Variants in RNF123 observed in about 807,000 individuals in gnomAD.
The protein encoded by RNF123 is ring finger protein 123.
In RNF123, 86 loss-of-function variants were observed where a neutral mutation model predicts 168.5. The ratio of observed to expected loss-of-function variants is 0.51; its 90% CI spans 0.43 to 0.61. RNF123 has a LOEUF of 0.61. RNF123 is among the 20% of genes least tolerant of loss of function. The pLI, the probability that RNF123 is intolerant of heterozygous loss-of-function variation, is 0.00. For missense variants in RNF123, 1,419 were observed against 1,729.7 expected, an observed-to-expected ratio of 0.82 and a Z score of 3.19; for synonymous variants, 666 against 689.1, an observed-to-expected ratio of 0.97 and a Z score of 0.52.
At chr3:49,693,985 T>G (rs1399812212) in intron 3 of RNF123, among the ~76,000 whole-genome samples, 1 of 152,238 alleles carries the variant, frequency 6.6e-6, no homozygotes, top group Non-Finnish European at 1.5e-5. Context: ...TTGCGTTCTT[T>G]GTATATTCTG....
In RNF123 at chr3:49,712,460, C is replaced by T. The variant is rs1316761967; in HGVS notation, c.2497-19C>T. On this transcript the variant is annotated intron_variant, in intron 26 of 38. Coordinates refer to ENST00000327697, the MANE Select transcript of RNF123 (RefSeq NM_022064.5). ...CCCACTGGTGCGCAACCCAGCAGCACCCCGTGTGCCTCCTGCAGGAGAAGA... is the reference window on the plus strand; with the variant it reads ...CCCACTGGTGCGCAACCCAGCAGCATCCCGTGTGCCTCCTGCAGGAGAAGA... The T allele has an allele frequency of 6.2e-7, 1 of 1,613,140 alleles. No homozygotes were observed. Among genetic ancestry groups the T allele is most frequent in the Non-Finnish European group, 8.5e-7 (1 of 1,179,814 alleles).
At chr3:49,710,681 A>G (rs1401081565) in intron 26 of RNF123, among the ~76,000 whole-genome samples, 1 of 152,214 alleles carries the variant, frequency 6.6e-6, no homozygotes, top group Non-Finnish European at 1.5e-5. Context: ...ATGTCTGTGA[A>G]CAGAGATAAT....
At chr3:49,716,550 T>A in intron 35 of RNF123, 73 bp downstream of exon 35, 1 of 1,274,764 alleles carries the variant, frequency 7.8e-7, no homozygotes, top group Non-Finnish European at 1.1e-6. Flanking sequence ...CAGGGCCTCC[T>A]GGTACTTCAG....
rs746927417 is a variant in RNF123 at position 49,720,666 on chromosome 3, G to A, written c.3643+13G>A. The A allele has an allele frequency of 5.0e-6, 8 of 1,595,678 alleles. No individual in the cohort carries two copies. The highest frequency in any genetic ancestry group is 2.6e-6 in the Non-Finnish European group (3 of 1,166,578). On this transcript the variant is annotated intron_variant, in intron 36 of 38. Coordinates refer to ENST00000327697, the MANE Select transcript of RNF123 (RefSeq NM_022064.5). ...TCCCTGCAGAGCTGTGAGTGGGCTG[G>A]TGGGGCAGGTCAGGGAAATCTGGGG...
At chr3:49,714,235 A>T in intron 31 of RNF123, 61 bp downstream of exon 31, 2 of 1,467,206 alleles carry the variant, frequency 1.4e-6, no homozygotes, top group Non-Finnish European at 1.9e-6. Context: ...CCTCCTACCC[A>T]TGGGTTCTTT....
intron 35 of RNF123, chr3:49,720,189 G>T: frequency 5.3e-6 from 1 of 188,348 alleles, no homozygotes; most frequent in Non-Finnish European, 1.1e-5. Flanking sequence ...GGTGGTGGGC[G>T]TCTGCAATTC....
Position 49,715,664 on chromosome 3 carries a change from C to CTCAA in RNF123, c.3104_3107dup (p.Leu1037SerfsTer8), listed in dbSNP as rs1559687360. On this transcript the variant is annotated frameshift_variant, in exon 32 of 39. Coordinates refer to ENST00000327697, the MANE Select transcript of RNF123 (RefSeq NM_022064.5). LOFTEE classifies it high-confidence loss of function. The stretch of plus-strand genomic sequence containing the variant: ...GGCACCCAGCTTCCTCAACAGCGTC[C>CTCAA]TCAATCAGCTCAACTGGGCCTTCTC... The CTCAA allele has an allele frequency of 6.2e-7, 1 of 1,614,232 alleles. No individual in the cohort carries two copies. The highest frequency in any genetic ancestry group is 2.2e-5 in the East Asian group (1 of 44,880).
intron 27 of RNF123, 97 bp downstream of exon 27, chr3:49,712,753 A>G (rs776333105): frequency 1.4e-6 from 2 of 1,406,952 alleles, no homozygotes; most frequent in Admixed American, 3.4e-5. Context: ...CCAGCAACAC[A>G]CTTCTGTGGG....
intron 35 of RNF123, chr3:49,717,810 A>G (rs1011972178): frequency 5.6e-6 from 5 of 887,118 alleles, no homozygotes; most frequent in Non-Finnish European, 8.5e-6. Flanking sequence ...GAGAAGGCCC[A>G]TTGTGTTTCG....
At chr3:49,702,831 T>G in intron 20 of RNF123, 78 bp downstream of exon 20, 1 of 1,594,252 alleles carries the variant, frequency 6.3e-7, no homozygotes, top group African/African-American at 1.3e-5. Context: ...TAGTGCAGAG[T>G]GCTGAGCTGA....
In RNF123 at chr3:49,717,801, A is replaced by C. The variant is rs916248776; in HGVS notation, c.3500+1324A>C. The C allele has an allele frequency of 3.6e-6, 3 of 833,072 alleles. No homozygotes were observed. The African/African-American group carries it at 5.1e-5, about 14-fold the overall frequency. The allele number at this position is 833,072 out of a possible 1,614,324, so 51.6% of individuals were successfully genotyped here. Reference sequence around the variant, plus strand: ...CAACCCCTGTCTCTACCAGTGAGCGAGAAGGCCCATTGTGTTTCGAGGCCC... The same window carrying C: ...CAACCCCTGTCTCTACCAGTGAGCGCGAAGGCCCATTGTGTTTCGAGGCCC... On this transcript the variant is annotated intron_variant, in intron 35 of 38. Coordinates refer to ENST00000327697, the MANE Select transcript of RNF123 (RefSeq NM_022064.5).
At chr3:49,712,455 C>A (rs1388415979) in intron 26 of RNF123, 24 bp from the exon 27 acceptor site, 3 of 1,609,512 alleles carry the variant, frequency 1.9e-6, no homozygotes, top group East Asian at 2.2e-5. Flanking sequence ...CGCAACCCAG[C>A]AGCACCCCGT....
At chr3:49,709,536 G>A (rs1241029213) in intron 26 of RNF123, among the ~76,000 whole-genome samples, 1 of 151,944 alleles carries the variant, frequency 6.6e-6, no homozygotes, top group Non-Finnish European at 1.5e-5. Context: ...TCCTGACCTC[G>A]TGATCCACCC....
chr3:49,704,525 G>A (rs1452268631), intron 21 of RNF123, 125 bp from the exon 22 acceptor site: 1 of 720,846 alleles, frequency 1.4e-6, no homozygotes, highest in East Asian at 2.9e-5. Context: ...GGGCAGATAC[G>A]GTGCTAAACC....
Position 49,706,886 on chromosome 3 carries a change from T to C in RNF123, c.2484T>C (p.Thr828=), listed in dbSNP as rs1259768659. 6.2e-7 allele frequency: 1 copy of C among 1,614,062 alleles called. No individual in the cohort carries two copies. Among genetic ancestry groups the C allele is most frequent in the East Asian group, 2.2e-5 (1 of 44,886 alleles). ...GCCGTCTTGCCTGGGTCCATGCCAC[T>C]GTCTACTCCCAGGTGTGCTGGTATT... is the stretch of plus-strand genomic sequence containing the variant. The part of the protein sequence containing the change: ...LSRRLAWVHA[T]VYSQEKMLDI... The change falls in exon 26 of 39, where the codon ACT becomes ACC. Residue 828 remains threonine (T), a synonymous_variant. Transcript: ENST00000327697.
At chr3:49,705,813 C>G in intron 24 of RNF123, 134 bp downstream of exon 24, 2 of 1,469,358 alleles carry the variant, frequency 1.4e-6, no homozygotes, top group South Asian at 2.4e-5. Flanking sequence ...CTCAGCGAGG[C>G]TGGTTTCTGC....
rs1354599770 is a variant in RNF123 at position 49,706,085 on chromosome 3, G to A, written c.2388+20G>A. Reference sequence around the variant, plus strand: ...AAGAGGGTAAGGCCCACATAGTCTTGGTGAGGGGCAGCTTGCTTACTCGTA... The same window carrying A: ...AAGAGGGTAAGGCCCACATAGTCTTAGTGAGGGGCAGCTTGCTTACTCGTA... On this transcript the variant is annotated intron_variant, in intron 25 of 38. Coordinates refer to ENST00000327697, the MANE Select transcript of RNF123 (RefSeq NM_022064.5). 1.2e-6 allele frequency: 2 copies of A among 1,608,548 alleles called. No homozygotes were observed. The highest frequency in any genetic ancestry group is 2.2e-5 in the East Asian group (1 of 44,866).
rs367979932 is a variant in RNF123, at chr3:49,702,077, C to T, written c.1496-6C>T. The stretch of plus-strand genomic sequence containing the variant: ...CTGAGGGCCATGTTCCTCACCTGAC[C>T]TCCAGTGGTGGAAGAACTACAGGTC... On this transcript the variant is annotated splice_polypyrimidine_tract_variant and splice_region_variant and intron_variant, in intron 17 of 38. Coordinates refer to ENST00000327697, the MANE Select transcript of RNF123 (RefSeq NM_022064.5). 2.7e-5 allele frequency: 44 copies of T among 1,613,814 alleles called. No individual in the cohort carries two copies. The African/African-American group carries it at 2.9e-4, about 11-fold the overall frequency.
At chr3:49,700,121 C>T in intron 12 of RNF123, 106 bp from the exon 13 acceptor site, 1 of 1,520,250 alleles carries the variant, frequency 6.6e-7, no homozygotes, top group Non-Finnish European at 8.9e-7. Context: ...GCTCGAGTGG[C>T]TCAAGGCTCT....
Sources: allele counts gnomAD v4.1 joint callset (sites outside exome capture counted in the v4.1 genomes callset), GRCh38; gene constraint gnomAD v4.1.1; transcripts MANE v1.5; gene names NCBI Gene and HGNC (gene_info 2026-07-23, HGNC 2026-07-21).